PRKAR1A: variants seen among roughly 807,000 people sequenced by gnomAD.
PRKAR1A encodes the protein cAMP-dependent protein kinase type I-alpha regulatory subunit.
PRKAR1A carries 3 observed loss-of-function variants against 52.0 expected under a neutral mutation model. That is an observed-to-expected ratio of 0.06 (90% CI 0.03 to 0.15). The LOEUF (loss-of-function observed/expected upper bound fraction) is 0.15. PRKAR1A is among the 10% of genes least tolerant of loss of function. The pLI, the probability that PRKAR1A is intolerant of heterozygous loss-of-function variation, is 1.00. For missense variants in PRKAR1A, 240 were observed against 477.4 expected (o/e 0.50, Z 4.63); for synonymous variants, 188 against 168.4 (o/e 1.12, Z -0.90).
the PRKAR1A span, among the ~76,000 whole-genome samples, chr17:68,478,750 C>T: frequency 6.9e-6 from 1 of 145,818 alleles, no homozygotes; most frequent in Non-Finnish European, 1.5e-5. Flanking sequence ...TTTTTTGAGA[C>T]AGACTCTCGC....
chr17:68,457,304 T>TC, the PRKAR1A span: 1 of 1,536,472 alleles, frequency 6.5e-7, no homozygotes. Context: ...TGACACTCTG[T>TC]CCCCCACCTC....
chr17:68,531,654 ATCCTGCTGAAAG>A lies in PRKAR1A; in HGVS notation c.*1213_*1224del. Reference sequence around the variant, plus strand: ...TTGCTTCAAATTGGTCTGAAAGGCTATCCTGCTGAAAGTCCTGCTTTCCTATCTAGCATTTAT... The same window carrying A: ...TTGCTTCAAATTGGTCTGAAAGGCTATCCTGCTTTCCTATCTAGCATTTAT... On this transcript the variant is annotated 3_prime_UTR_variant, in exon 11 of 11. Coordinates refer to ENST00000589228, the MANE Select transcript of PRKAR1A (RefSeq NM_002734.5). 9.4e-7 allele frequency: 1 copy of A among 1,066,354 alleles called. No homozygotes were observed. The highest frequency in any genetic ancestry group is 1.1e-6 in the Non-Finnish European group (1 of 879,618). The allele number at this position is 1,066,354 out of a possible 1,614,324, so 66.1% of individuals were successfully genotyped here. A position where few individuals can be genotyped will look rare whatever the true frequency, so the allele number is the denominator to read the frequency against.
the PRKAR1A span, chr17:68,435,556 C>A: frequency 5.3e-6 from 8 of 1,502,316 alleles, no homozygotes; most frequent in Non-Finnish European, 7.4e-6. Context: ...TCAATCCCAT[C>A]CCTGCGCACG....
chr17:68,510,688 C>A (rs574584386), upstream of PRKAR1A, among the ~76,000 whole-genome samples: 6 of 152,306 alleles, frequency 3.9e-5, no homozygotes, highest in African/African-American at 1.4e-4. Context: ...GACTGAGGCT[C>A]TTTTATCCCC....
chr17:68,470,020 C>G, the PRKAR1A span, among the ~76,000 whole-genome samples: 1 of 151,830 alleles, frequency 6.6e-6, no homozygotes, highest in East Asian at 1.9e-4. Context: ...ATCATGTAGC[C>G]TTTGAAAAAC....
the PRKAR1A span, among the ~76,000 whole-genome samples, chr17:68,491,185 G>C: frequency 6.7e-6 from 1 of 149,764 alleles, no homozygotes; most frequent in Non-Finnish European, 1.5e-5. Context: ...TCTGCCTTCT[G>C]GGTTCAAGTG....
At chr17:68,539,534 C>T in intron 11 of PRKAR1A, 9 of 773,168 alleles carry the variant, frequency 1.2e-5, no homozygotes, top group African/African-American at 1.7e-5. Flanking sequence ...CCTCTCCAGC[C>T]CCTCTCCCCA....
At chr17:68,462,337 G>C in the PRKAR1A span, among the ~76,000 whole-genome samples, 1 of 152,202 alleles carries the variant, frequency 6.6e-6, no homozygotes, top group South Asian at 2.1e-4. Flanking sequence ...CTGAGAGTCT[G>C]TTACCCATGC....
intron 11 of PRKAR1A, chr17:68,542,608 G>C: frequency 2.0e-6 from 2 of 991,808 alleles, no homozygotes; most frequent in Non-Finnish European, 3.2e-6. Context: ...TAGCAGCAGG[G>C]TGTCAGGCCA....
the PRKAR1A span, chr17:68,433,598 G>T: frequency 1.9e-6 from 3 of 1,595,760 alleles, no homozygotes; most frequent in East Asian, 6.7e-5. Flanking sequence ...CAACACATGG[G>T]TCAGTGAGCA....
intron 11 of PRKAR1A, among the ~76,000 whole-genome samples, chr17:68,540,323 G>A (rs560566226): frequency 1.3e-5 from 2 of 152,276 alleles, no homozygotes; most frequent in South Asian, 2.1e-4. Flanking sequence ...GCTGATCCTG[G>A]TTATAGTAAA....
At chr17:68,462,696 A>C in the PRKAR1A span, among the ~76,000 whole-genome samples, 1 of 152,186 alleles carries the variant, frequency 6.6e-6, no homozygotes, top group Non-Finnish European at 1.5e-5. Context: ...CTGGGTGCCC[A>C]GGTTGCCTGT....
chr17:68,469,911 C>T, the PRKAR1A span, among the ~76,000 whole-genome samples: 1 of 152,036 alleles, frequency 6.6e-6, no homozygotes, highest in Non-Finnish European at 1.5e-5. Flanking sequence ...AGAACAGAGG[C>T]ATCGTTTTTT....
the PRKAR1A span, among the ~76,000 whole-genome samples, chr17:68,461,655 A>G: frequency 4.4e-3 from 664 of 152,356 alleles, 7 homozygotes; most frequent in African/African-American, 0.015. This position sits in a 1 kb window ranked among gnomAD's most constrained non-coding sequence, Gnocchi z 4.6. Context: ...CACTCAGAAC[A>G]TGAACTGAGA....
the PRKAR1A span, among the ~76,000 whole-genome samples, chr17:68,486,539 TTCTTTCTTTCTTTCTTTCTTTC>T: frequency 7.1e-6 from 1 of 140,020 alleles, no homozygotes; most frequent in African/African-American, 2.7e-5. Context: ...CTTTCTTTCT[TTCTTTCTTTCTTTCTTTCTTTC>T]TTTCTTTCTT....
At chr17:68,518,569 T>C (rs2085503525) in intron 2 of PRKAR1A, among the ~76,000 whole-genome samples, 1 of 152,206 alleles carries the variant, frequency 6.6e-6, no homozygotes, top group Non-Finnish European at 1.5e-5. Flanking sequence ...CAGGGTACCA[T>C]GTCCTGAGGC....
chr17:68,472,209 C>T, the PRKAR1A span, among the ~76,000 whole-genome samples: 2 of 152,280 alleles, frequency 1.3e-5, no homozygotes, highest in East Asian at 3.9e-4. Flanking sequence ...TCTTCTGTGG[C>T]CCAGGCAGGT....
chr17:68,436,534 G>A, the PRKAR1A span: 1,060 of 1,519,972 alleles, frequency 7.0e-4, 17 homozygotes, highest in South Asian at 0.011. Flanking sequence ...GAGATTGCAC[G>A]GCTGGAGAGG....
intron 11 of PRKAR1A, among the ~76,000 whole-genome samples, chr17:68,547,891 C>G (rs1568731899): frequency 2.0e-5 from 3 of 152,034 alleles, no homozygotes; most frequent in Admixed American, 2.0e-4. Flanking sequence ...GGCTTATTGG[C>G]TTTCAACGTG....
Sources: gnomAD v4.1 joint callset for allele counts (sites outside exome capture counted in the v4.1 genomes callset) on GRCh38, gnomAD v4.1.1 for gene constraint, Gnocchi (gnomAD v3.1) non-coding constraint, MANE v1.5 for transcripts, NCBI Gene and HGNC (gene_info 2026-07-23, HGNC 2026-07-21) for gene names.